Variants in DENND1B observed in about 807,000 individuals in gnomAD.
DENND1B encodes DENN domain-containing protein 1B.
DENND1B carries 59 observed loss-of-function variants against 90.1 expected under a neutral mutation model. That is an observed-to-expected ratio of 0.65 (90% CI 0.53 to 0.81). DENND1B has a LOEUF of 0.81. DENND1B is among the 40% of genes least tolerant of loss of function. The pLI, the probability that DENND1B is intolerant of heterozygous loss-of-function variation, is 0.00. For synonymous variants in DENND1B, 337 were observed against 324.6 expected (o/e 1.04, Z -0.41); for missense variants, 862 against 912.6 (o/e 0.94, Z 0.71).
At chr1:197,756,895 A>G (rs1267471637) in intron 2 of DENND1B, among the ~76,000 whole-genome samples, 1 of 151,070 alleles carries the variant, frequency 6.6e-6, no homozygotes, top group Non-Finnish European at 1.5e-5. Context: ...TTTTATTGCC[A>G]GTGTTAAATT....
chr1:197,599,632 A>T (rs947444297), intron 13 of DENND1B, among the ~76,000 whole-genome samples: 5 of 151,710 alleles, frequency 3.3e-5, no homozygotes, highest in African/African-American at 1.2e-4. Context: ...TTAGATATTA[A>T]ATCCCTACAC....
At chr1:197,592,514 A>G (rs1198331555) in intron 14 of DENND1B, among the ~76,000 whole-genome samples, 1 of 152,172 alleles carries the variant, frequency 6.6e-6, no homozygotes, top group Non-Finnish European at 1.5e-5. Context: ...TCATAGAAAG[A>G]AGGGGTCAGT....
chr1:197,619,077 G>C (rs1313686188), intron 10 of DENND1B, among the ~76,000 whole-genome samples: 3 of 151,008 alleles, frequency 2.0e-5, no homozygotes, highest in Non-Finnish European at 4.5e-5. Context: ...AGTTTTGTAT[G>C]GCAAATAATG....
intron 15 of DENND1B, among the ~76,000 whole-genome samples, chr1:197,565,451 C>T (rs956342599): frequency 1.3e-5 from 2 of 151,236 alleles, no homozygotes; most frequent in African/African-American, 2.4e-5. Context: ...ACACTTTACT[C>T]CTATAATTTT....
intron 14 of DENND1B, among the ~76,000 whole-genome samples, chr1:197,587,493 C>T (rs1043133657): frequency 7.9e-5 from 12 of 152,082 alleles, no homozygotes; most frequent in Non-Finnish European, 1.3e-4. Flanking sequence ...GCAGTAGAAT[C>T]GGAATAAAGT....
chr1:197,754,361 C>A (rs935447638), intron 2 of DENND1B, among the ~76,000 whole-genome samples: 4 of 151,966 alleles, frequency 2.6e-5, no homozygotes, highest in African/African-American at 9.7e-5. Flanking sequence ...ACACAGTCGG[C>A]CCATATAATA....
intron 3 of DENND1B, among the ~76,000 whole-genome samples, chr1:197,684,510 T>C (rs980119331): frequency 6.6e-6 from 1 of 152,148 alleles, no homozygotes; most frequent in Non-Finnish European, 1.5e-5. Flanking sequence ...ATGCAATAAA[T>C]ACTTCAGAAC....
chr1:197,655,023 A>G (rs1653655162), intron 6 of DENND1B, among the ~76,000 whole-genome samples: 1 of 152,234 alleles, frequency 6.6e-6, no homozygotes, highest in African/African-American at 2.4e-5. Context: ...CTCAGTCAAC[A>G]GAAGTTTTAA....
At chr1:197,690,025 T>C (rs1374871726) in intron 3 of DENND1B, 1 of 157,676 alleles carries the variant, frequency 6.3e-6, no homozygotes, top group African/African-American at 2.4e-5. Flanking sequence ...TGTCTACAAA[T>C]TGGTGATATT....
At chr1:197,558,820 GA>G (rs1558239063) in intron 15 of DENND1B, among the ~76,000 whole-genome samples, 2 of 151,838 alleles carry the variant, frequency 1.3e-5, no homozygotes, top group Non-Finnish European at 2.9e-5. Context: ...TCAATTTAAA[GA>G]AATTATCTGT....
chr1:197,731,582 C>A (rs1054310368), intron 2 of DENND1B, among the ~76,000 whole-genome samples: 1 of 152,138 alleles, frequency 6.6e-6, no homozygotes, highest in South Asian at 2.1e-4. Context: ...TATAGACATG[C>A]CATGCATTGT....
chr1:197,650,646 A>C (rs1340017572), intron 7 of DENND1B, among the ~76,000 whole-genome samples: 1 of 152,198 alleles, frequency 6.6e-6, no homozygotes, highest in Non-Finnish European at 1.5e-5. Flanking sequence ...GTGGATAAAG[A>C]AACTGCAGTA....
intron 20 of DENND1B, among the ~76,000 whole-genome samples, chr1:197,527,953 T>C (rs1571746742): frequency 6.6e-6 from 1 of 152,270 alleles, no homozygotes; most frequent in Admixed American, 6.5e-5. Context: ...AAGTATACAG[T>C]TTTCCGAAAT....
At chr1:197,625,724 T>C (rs1272064343) in intron 10 of DENND1B, among the ~76,000 whole-genome samples, 1 of 152,076 alleles carries the variant, frequency 6.6e-6, no homozygotes. Flanking sequence ...ACTGGCAAAT[T>C]GGATAAAGAG....
At chr1:197,601,923 G>C (rs1676247813) in intron 13 of DENND1B, among the ~76,000 whole-genome samples, 1 of 151,512 alleles carries the variant, frequency 6.6e-6, no homozygotes, top group South Asian at 2.1e-4. Context: ...ATCTATAATA[G>C]TTTACCTACA....
intron 20 of DENND1B, 40 bp downstream of exon 20, chr1:197,539,924 T>G: frequency 2.8e-6 from 4 of 1,440,468 alleles, no homozygotes; most frequent in Non-Finnish European, 3.9e-6. Flanking sequence ...TTATATAATT[T>G]GAGAATGTGG....
chr1:197,693,424 AG>A (rs1658110493), intron 3 of DENND1B, among the ~76,000 whole-genome samples: 1 of 151,678 alleles, frequency 6.6e-6, no homozygotes. Context: ...GTTCATTTAA[AG>A]GTGCCCAAAT....
chr1:197,566,074 C>T (rs1672633499), intron 15 of DENND1B, among the ~76,000 whole-genome samples: 1 of 152,034 alleles, frequency 6.6e-6, no homozygotes, highest in South Asian at 2.1e-4. Flanking sequence ...CACTGACTTC[C>T]ACAAGGGTTG....
chr1:197,749,183 G>C (rs1231151909), intron 2 of DENND1B, among the ~76,000 whole-genome samples: 2 of 151,990 alleles, frequency 1.3e-5, no homozygotes, highest in East Asian at 3.9e-4. Flanking sequence ...CATGAACTGT[G>C]TCCCCAAGGG....
Sources: gnomAD v4.1 joint callset for allele counts (sites outside exome capture counted in the v4.1 genomes callset) on GRCh38, gnomAD v4.1.1 for gene constraint, MANE v1.5 for transcripts, NCBI Gene and HGNC (gene_info 2026-07-23, HGNC 2026-07-21) for gene names.